Variants in LOC122539214 observed in about 807,000 individuals in gnomAD.
the LOC122539214 span, among the ~76,000 whole-genome samples, chr19:52,669,545 C>T: frequency 4.0e-3 from 603 of 152,250 alleles, 1 homozygote; most frequent in African/African-American, 0.013. Flanking sequence ...GAGTTTGCAT[C>T]ATAATTAAAA....
the LOC122539214 span, chr19:52,653,222 T>G: frequency 1.3e-6 from 2 of 1,535,258 alleles, no homozygotes; most frequent in Non-Finnish European, 1.8e-6. Flanking sequence ...CCACACTCAT[T>G]ACACTTGTAA....
chr19:52,677,329 A>C, the LOC122539214 span, among the ~76,000 whole-genome samples: 1 of 129,114 alleles, frequency 7.7e-6, no homozygotes, highest in African/African-American at 3.0e-5. Context: ...AAAAAAAAAA[A>C]ACAAAAATTA....
chr19:52,669,825 A>T, the LOC122539214 span, among the ~76,000 whole-genome samples: 1 of 152,222 alleles, frequency 6.6e-6, no homozygotes, highest in Non-Finnish European at 1.5e-5. Context: ...GCTCATAAAA[A>T]TGGCAGTTAC....
the LOC122539214 span, among the ~76,000 whole-genome samples, chr19:52,672,067 G>A: frequency 2.7e-3 from 405 of 152,088 alleles, 3 homozygotes; most frequent in Non-Finnish European, 4.0e-3. Flanking sequence ...AACCCCATCT[G>A]TACTAAAAAT....
At chr19:52,679,487 T>C in the LOC122539214 span, among the ~76,000 whole-genome samples, 1 of 152,130 alleles carries the variant, frequency 6.6e-6, no homozygotes, top group Non-Finnish European at 1.5e-5. Flanking sequence ...GGAGCATGCT[T>C]ATAAGCCCTG....
At chr19:52,679,591 A>G in the LOC122539214 span, among the ~76,000 whole-genome samples, 1 of 152,220 alleles carries the variant, frequency 6.6e-6, no homozygotes, top group Non-Finnish European at 1.5e-5. Flanking sequence ...AGCATGGGTG[A>G]CAGAGGGAGA....
At chr19:52,687,050 G>C in the LOC122539214 span, among the ~76,000 whole-genome samples, 6 of 151,552 alleles carry the variant, frequency 4.0e-5, no homozygotes, top group African/African-American at 1.5e-4. Flanking sequence ...GAGTGGTGGC[G>C]CATGCCTGTA....
chr19:52,658,860 G>T, the LOC122539214 span, among the ~76,000 whole-genome samples: 2 of 152,268 alleles, frequency 1.3e-5, no homozygotes, highest in South Asian at 4.1e-4. Context: ...CACAGTACCT[G>T]AGCTTTAATC....
At chr19:52,663,900 T>C in the LOC122539214 span, among the ~76,000 whole-genome samples, 3 of 152,250 alleles carry the variant, frequency 2.0e-5, no homozygotes, top group African/African-American at 7.2e-5. Flanking sequence ...TTTATTTTAT[T>C]TTATTGAGAC....
the LOC122539214 span, among the ~76,000 whole-genome samples, chr19:52,664,543 G>A: frequency 6.6e-6 from 1 of 152,082 alleles, no homozygotes; most frequent in Non-Finnish European, 1.5e-5. Flanking sequence ...GGGTCTAGGG[G>A]CAGGGAATCT....
At chr19:52,675,598 T>G in the LOC122539214 span, among the ~76,000 whole-genome samples, 6,035 of 151,924 alleles carry the variant, frequency 0.04, 350 homozygotes, top group African/African-American at 0.13. Context: ...TTGGAGGGGA[T>G]GGGCTCACGG....
At chr19:52,688,743 A>G in the LOC122539214 span, among the ~76,000 whole-genome samples, 2 of 152,148 alleles carry the variant, frequency 1.3e-5, no homozygotes, top group Non-Finnish European at 2.9e-5. Flanking sequence ...TTTAAAAATA[A>G]TAAGTACTGC....
the LOC122539214 span, among the ~76,000 whole-genome samples, chr19:52,656,611 T>G: frequency 6.6e-6 from 1 of 152,192 alleles, no homozygotes; most frequent in Admixed American, 6.6e-5. Context: ...CTCACACCTA[T>G]AATCCGAACA....
At chr19:52,673,365 T>G in the LOC122539214 span, among the ~76,000 whole-genome samples, 1 of 151,620 alleles carries the variant, frequency 6.6e-6, no homozygotes, top group Non-Finnish European at 1.5e-5. Context: ...TAGCCGAGGG[T>G]GATGGCGCAT....
chr19:52,681,342 A>G, the LOC122539214 span, among the ~76,000 whole-genome samples: 2 of 151,666 alleles, frequency 1.3e-5, no homozygotes, highest in African/African-American at 4.8e-5. Context: ...AGTATGTTCA[A>G]CATAACAGGT....
chr19:52,673,239 G>T, the LOC122539214 span, among the ~76,000 whole-genome samples: 3 of 152,098 alleles, frequency 2.0e-5, no homozygotes, highest in East Asian at 3.9e-4. Flanking sequence ...GGGCACAGTG[G>T]CTCATGCTTG....
the LOC122539214 span, among the ~76,000 whole-genome samples, chr19:52,687,637 A>ATATATATATATATATAATGTG: frequency 5.8e-5 from 1 of 17,346 alleles, no homozygotes; most frequent in Non-Finnish European, 1.1e-4. Flanking sequence ...TATAATGTAT[A>ATATATATATATATATAATGTG]TATATATATA....
At chr19:52,687,163 A>T in the LOC122539214 span, among the ~76,000 whole-genome samples, 2 of 149,024 alleles carry the variant, frequency 1.3e-5, no homozygotes, top group East Asian at 4.0e-4. Flanking sequence ...CCTGAGCAAC[A>T]AGAGTAAAAC....
the LOC122539214 span, among the ~76,000 whole-genome samples, chr19:52,661,713 T>C: frequency 1.3e-5 from 2 of 152,132 alleles, no homozygotes; most frequent in Non-Finnish European, 2.9e-5. Flanking sequence ...GGGGACTTGT[T>C]CCCACCAGGA....
Sources: allele counts gnomAD v4.1 joint callset (sites outside exome capture counted in the v4.1 genomes callset), GRCh38; gene constraint gnomAD v4.1.1; transcripts MANE v1.5.